The following USP12 variants were observed in gnomAD, a reference collection of about 807,000 sequenced individuals.
USP12 encodes the protein ubiquitin carboxyl-terminal hydrolase 12.
A neutral mutation model predicts 45.5 loss-of-function variants in USP12; 19 were observed. That is an observed-to-expected ratio of 0.42 (90% CI 0.29 to 0.61). USP12 has a LOEUF of 0.61. USP12 is among the 20% of genes least tolerant of loss of function. USP12 has a pLI of 0.22. For synonymous variants in USP12, 149 were observed against 148.8 expected, an observed-to-expected ratio of 1.00 and a Z score of -0.01; for missense variants, 242 against 447.7, an observed-to-expected ratio of 0.54 and a Z score of 4.15.
intron 3 of USP12, among the ~76,000 whole-genome samples, chr13:27,097,141 A>T (rs538269228): frequency 6.6e-6 from 1 of 152,068 alleles, no homozygotes; most frequent in Non-Finnish European, 1.5e-5. Context: ...AAAACATGAG[A>T]AAATGTTCAA....
intron 1 of USP12, among the ~76,000 whole-genome samples, chr13:27,167,462 T>A (rs1878400330): frequency 6.6e-6 from 1 of 152,074 alleles, no homozygotes; most frequent in African/African-American, 2.4e-5. Flanking sequence ...CTTCTAAATG[T>A]TCTCTCTCCA....
intron 1 of USP12, among the ~76,000 whole-genome samples, chr13:27,127,619 T>A (rs1199941575): frequency 6.6e-6 from 1 of 152,068 alleles, no homozygotes; most frequent in Non-Finnish European, 1.5e-5. Context: ...ACCCTCCATA[T>A]CCCTCCTAAA....
chr13:27,095,390 G>A (rs894187490), intron 4 of USP12, among the ~76,000 whole-genome samples: 18 of 152,128 alleles, frequency 1.2e-4, no homozygotes, highest in African/African-American at 3.9e-4. Context: ...GCTACAGTAA[G>A]TATCTTTCTA....
intron 1 of USP12, among the ~76,000 whole-genome samples, chr13:27,120,513 G>T (rs1875934864): frequency 6.6e-6 from 1 of 151,948 alleles, no homozygotes. Context: ...AATTAGTCAG[G>T]GGTGGTCGTG....
At chr13:27,098,734 G>A (rs1197895951) in intron 3 of USP12, among the ~76,000 whole-genome samples, 1 of 152,222 alleles carries the variant, frequency 6.6e-6, no homozygotes, top group Admixed American at 6.5e-5. Flanking sequence ...GCATAAATAC[G>A]GCTGCTTATT....
At chr13:27,148,618 G>A (rs1877416692) in intron 1 of USP12, among the ~76,000 whole-genome samples, 2 of 147,838 alleles carry the variant, frequency 1.4e-5, no homozygotes, top group Non-Finnish European at 3.0e-5. Flanking sequence ...AGGTTGCAGT[G>A]AGCCCAGATC....
intron 1 of USP12, among the ~76,000 whole-genome samples, chr13:27,122,773 A>G (rs537464700): frequency 1.1e-4 from 17 of 152,344 alleles, no homozygotes; most frequent in African/African-American, 4.1e-4. Context: ...ATGTAAGGTT[A>G]TTAATGAAAA....
chr13:27,159,697 T>C (rs866156764), intron 1 of USP12, among the ~76,000 whole-genome samples: 1 of 152,238 alleles, frequency 6.6e-6, no homozygotes, highest in African/African-American at 2.4e-5. Context: ...GTGAAATGCC[T>C]AGCAATAGCA....
intron 1 of USP12, among the ~76,000 whole-genome samples, chr13:27,135,817 A>G (rs949402945): frequency 4.6e-5 from 7 of 152,202 alleles, no homozygotes; most frequent in African/African-American, 1.7e-4. Flanking sequence ...ACTTACTGCC[A>G]GAAGCTAGCT....
At chr13:27,131,216 A>C (rs1171127412) in intron 1 of USP12, among the ~76,000 whole-genome samples, 1 of 152,228 alleles carries the variant, frequency 6.6e-6, no homozygotes, top group Non-Finnish European at 1.5e-5. Context: ...GGTAAGAGAC[A>C]CTTTAGCCAT....
chr13:27,154,162 ACCTC>A (rs1303786804), intron 1 of USP12, among the ~76,000 whole-genome samples: 5 of 152,074 alleles, frequency 3.3e-5, no homozygotes, highest in Non-Finnish European at 7.4e-5. Flanking sequence ...TTCTCTCTAA[ACCTC>A]CAAGATTATC....
chr13:27,090,655 T>C (rs1177413785), intron 4 of USP12, among the ~76,000 whole-genome samples: 2 of 152,204 alleles, frequency 1.3e-5, no homozygotes, highest in Non-Finnish European at 2.9e-5. Context: ...GTAAATAATC[T>C]TCTTATAAAG....
At chr13:27,149,653 G>A (rs2137829886) in intron 1 of USP12, among the ~76,000 whole-genome samples, 1 of 152,264 alleles carries the variant, frequency 6.6e-6, no homozygotes, top group Non-Finnish European at 1.5e-5. Flanking sequence ...CCAAGGGGTG[G>A]TTAATGAATA....
At chr13:27,135,462 C>T (rs1273271048) in intron 1 of USP12, among the ~76,000 whole-genome samples, 5 of 152,156 alleles carry the variant, frequency 3.3e-5, no homozygotes, top group African/African-American at 1.2e-4. Flanking sequence ...CCTATAATCC[C>T]AGCACTTTCG....
At chr13:27,090,757 G>A (rs939242837) in intron 4 of USP12, among the ~76,000 whole-genome samples, 8 of 152,120 alleles carry the variant, frequency 5.3e-5, no homozygotes, top group Admixed American at 3.3e-4. Flanking sequence ...CTGAAGGTAC[G>A]TGTGCAACAG....
At chr13:27,114,624 A>G (rs138560467) in intron 2 of USP12, among the ~76,000 whole-genome samples, 1,571 of 152,314 alleles carry the variant, frequency 0.01, 23 homozygotes, top group African/African-American at 0.035. Context: ...CATAAGAGCC[A>G]TTATCTGTGA....
At position 27,135,795 on chromosome 13, in the gene USP12, C is replaced by T. The variant is rs968489836; in HGVS notation, c.49-19199G>A. 4.6e-5 allele frequency among the ~76,000 whole-genome samples: 7 copies of T among 152,174 alleles called. No individual in the cohort carries two copies. The East Asian group carries it at 1.3e-3, about 29-fold the overall frequency. The stretch of plus-strand genomic sequence containing the variant: ...TGCTATTATACATATGGGTATATAA[C>T]CACATGTAAACACTTACTGCCAGAA... On this transcript the variant is annotated intron_variant, in intron 1 of 8. Coordinates refer to ENST00000282344, the MANE Select transcript of USP12 (RefSeq NM_182488.4).
At chr13:27,120,566 G>A (rs1451033751) in intron 1 of USP12, among the ~76,000 whole-genome samples, 1 of 151,204 alleles carries the variant, frequency 6.6e-6, no homozygotes, top group Admixed American at 6.6e-5. Context: ...AGGCTGCAGT[G>A]AGTCAAGATT....
At chr13:27,156,503 T>C (rs1428771272) in intron 1 of USP12, among the ~76,000 whole-genome samples, 1 of 152,142 alleles carries the variant, frequency 6.6e-6, no homozygotes, top group East Asian at 1.9e-4. Flanking sequence ...TCAACAATGA[T>C]TGGATATTTA....
Sources: allele counts gnomAD v4.1 joint callset (sites outside exome capture counted in the v4.1 genomes callset), GRCh38; gene constraint gnomAD v4.1.1; transcripts MANE v1.5; gene names NCBI Gene and HGNC (gene_info 2026-07-23, HGNC 2026-07-21).